IDO2: variants seen among roughly 807,000 people sequenced by gnomAD.
IDO2 encodes indoleamine 2,3-dioxygenase 2, also known as indoleamine 2,3-dioxygenase-like 1 protein.
IDO2 carries 46 observed loss-of-function variants against 45.1 expected under a neutral mutation model. The observed-to-expected ratio is 1.02, with a 90% CI of 0.80 to 1.30. The LOEUF is 1.30. Ranked by LOEUF, IDO2 falls within the 50% of genes most tolerant of loss-of-function variation. IDO2 has a pLI of 0.00. For synonymous variants in IDO2, 218 were observed against 184.9 expected, an observed-to-expected ratio of 1.18 and a Z score of -1.45; for missense variants, 544 against 491.8, an observed-to-expected ratio of 1.11 and a Z score of -1.00.
chr8:39,946,403 AT>A (rs1218994914), intron 1 of IDO2, among the ~76,000 whole-genome samples: 3 of 152,112 alleles, frequency 2.0e-5, no homozygotes, highest in Non-Finnish European at 4.4e-5. Flanking sequence ...AGGTCAGGAG[AT>A]TGAGACCATC....
exon 8 of IDO2, chr8:39,989,737 C>G (rs768497982): frequency 6.3e-7 from 1 of 1,593,602 alleles, no homozygotes. Flanking sequence ...GTTCAGGCCA[C>G]GAATGCTATC....
chr8:39,953,344 A>AC (rs1396399702), intron 2 of IDO2, among the ~76,000 whole-genome samples: 3 of 152,228 alleles, frequency 2.0e-5, no homozygotes, highest in African/African-American at 7.2e-5. Flanking sequence ...GTTTTAAAAA[A>AC]TACTGATGCC....
chr8:39,959,737 C>G (rs1329358614), intron 2 of IDO2, among the ~76,000 whole-genome samples: 2 of 152,150 alleles, frequency 1.3e-5, no homozygotes, highest in Non-Finnish European at 2.9e-5. Context: ...GCAGGAGAAT[C>G]TCTTGAACTC....
chr8:39,959,726 G>A (rs1807964711), intron 2 of IDO2, among the ~76,000 whole-genome samples: 1 of 152,170 alleles, frequency 6.6e-6, no homozygotes, highest in Non-Finnish European at 1.5e-5. Context: ...TGGAGGCTGA[G>A]GCAGGAGAAT....
chr8:39,938,938 G>C (rs1305440002), intron 1 of IDO2, among the ~76,000 whole-genome samples: 1 of 152,114 alleles, frequency 6.6e-6, no homozygotes, highest in East Asian at 1.9e-4. Flanking sequence ...TCTCAGTGCT[G>C]GTGAGGATAT....
intron 1 of IDO2, 74 bp downstream of exon 1, chr8:39,935,292 G>C: frequency 8.1e-7 from 1 of 1,233,164 alleles, no homozygotes; most frequent in South Asian, 1.3e-5. Context: ...TTTGGGGCTA[G>C]CAACTCAATT....
intron 8 of IDO2, chr8:39,995,233 C>CTTCTT (rs1491361753): frequency 7.3e-5 from 4 of 54,880 alleles, no homozygotes; most frequent in Non-Finnish European, 1.8e-4. Flanking sequence ...TTCTCCTTCT[C>CTTCTT]CTTCTCCTTC....
At chr8:39,991,714 G>A (rs1487446551) in intron 8 of IDO2, among the ~76,000 whole-genome samples, 3 of 152,060 alleles carry the variant, frequency 2.0e-5, no homozygotes, top group African/African-American at 7.2e-5. Flanking sequence ...GGGATTATAG[G>A]CATGCACCAC....
exon 1 of IDO2, chr8:39,935,067 G>T (rs1025140220): frequency 9.2e-6 from 8 of 870,554 alleles, no homozygotes; most frequent in Non-Finnish European, 1.4e-5. Context: ...ATATTTTAAA[G>T]ACAAGGATTG....
intron 8 of IDO2, among the ~76,000 whole-genome samples, chr8:39,990,434 C>A (rs1357755944): frequency 6.6e-6 from 1 of 152,132 alleles, no homozygotes; most frequent in Non-Finnish European, 1.5e-5. Context: ...AAAGAGAGAG[C>A]TCCCGTGTAT....
chr8:39,997,474 C>T (rs186874541), intron 8 of IDO2, among the ~76,000 whole-genome samples: 1,556 of 151,888 alleles, frequency 0.01, 15 homozygotes, highest in Non-Finnish European at 0.017. Context: ...AGTTTGAGAC[C>T]AGCCTGGGCA....
intron 3 of IDO2, among the ~76,000 whole-genome samples, chr8:39,976,517 T>A (rs1808261197): frequency 6.6e-6 from 1 of 152,204 alleles, no homozygotes; most frequent in Non-Finnish European, 1.5e-5. Flanking sequence ...AGATATTACA[T>A]GTGTTTATAT....
intron 3 of IDO2, among the ~76,000 whole-genome samples, chr8:39,978,248 CT>C (rs1337437214): frequency 6.6e-6 from 1 of 152,204 alleles, no homozygotes; most frequent in Non-Finnish European, 1.5e-5. Flanking sequence ...AAAACACCCC[CT>C]GCCGCCCTCC....
At chr8:39,949,912 C>A (rs1043345983) in intron 2 of IDO2, among the ~76,000 whole-genome samples, 1 of 152,188 alleles carries the variant, frequency 6.6e-6, no homozygotes, top group African/African-American at 2.4e-5. Flanking sequence ...TGCTAACAAA[C>A]AATACCTCTT....
At chr8:39,947,158 A>G (rs1476624111) in intron 1 of IDO2, among the ~76,000 whole-genome samples, 1 of 127,150 alleles carries the variant, frequency 7.9e-6, no homozygotes, top group African/African-American at 3.0e-5. Context: ...CTCTAGGACT[A>G]GAGCTAAGGT....
At chr8:39,958,438 C>T (rs898309375) in intron 2 of IDO2, among the ~76,000 whole-genome samples, 1 of 152,124 alleles carries the variant, frequency 6.6e-6, no homozygotes, top group Non-Finnish European at 1.5e-5. Flanking sequence ...ACTCTGTCGC[C>T]CAGGCTGGAG....
chr8:39,983,235 C>T (rs768914151), intron 5 of IDO2, among the ~76,000 whole-genome samples: 61 of 152,182 alleles, frequency 4.0e-4, no homozygotes, highest in Admixed American at 6.5e-4. Context: ...CCACCAAAGT[C>T]ACATCATTCC....
At chr8:39,934,883 A>G (rs1807522049) in exon 1 of IDO2, 2 of 490,068 alleles carry the variant, frequency 4.1e-6, no homozygotes, top group Admixed American at 3.7e-5. Context: ...TTAAAGTTGG[A>G]AATCTGCCTG....
chr8:40,009,156 A>G (rs1220476277), intron 9 of IDO2, among the ~76,000 whole-genome samples: 3 of 152,292 alleles, frequency 2.0e-5, no homozygotes, highest in Non-Finnish European at 2.9e-5. Flanking sequence ...CTGGGACTAC[A>G]GGCACCTGCC....
Sources: allele counts gnomAD v4.1 joint callset (sites outside exome capture counted in the v4.1 genomes callset), GRCh38; gene constraint gnomAD v4.1.1; transcripts MANE v1.5; gene names NCBI Gene and HGNC (gene_info 2026-07-23, HGNC 2026-07-21).